PCCB: variants seen among roughly 807,000 people sequenced by gnomAD.
PCCB encodes the protein propionyl-CoA carboxylase beta chain, mitochondrial.
A neutral mutation model predicts 60.7 loss-of-function variants in PCCB; 43 were observed. That is an observed-to-expected ratio of 0.71 (90% CI 0.55 to 0.91). The LOEUF (loss-of-function observed/expected upper bound fraction) is 0.91. Ranked by LOEUF, PCCB falls within the 40% of genes least tolerant of loss-of-function variation. The probability of loss-of-function intolerance (pLI) is 0.00; values close to 1 mark genes in which losing one functional copy is unlikely to be tolerated. For missense variants in PCCB, 766 were observed against 702.8 expected (o/e 1.09, Z -1.02); for synonymous variants, 276 against 255.9 (o/e 1.08, Z -0.75).
chr3:136,279,856 C>T (rs1020988898), intron 5 of PCCB, among the ~76,000 whole-genome samples: 24 of 152,078 alleles, frequency 1.6e-4, no homozygotes, highest in African/African-American at 5.8e-4. Flanking sequence ...TTAGTAGAGA[C>T]GGGGTTTCAC....
intron 8 of PCCB, among the ~76,000 whole-genome samples, chr3:136,300,728 C>T (rs536283615): frequency 2.0e-5 from 3 of 152,236 alleles, no homozygotes; most frequent in South Asian, 2.1e-4. Context: ...GTGCCCTACA[C>T]GGTACCTAGA....
intron 8 of PCCB, among the ~76,000 whole-genome samples, chr3:136,298,461 C>A (rs577316946): frequency 6.6e-6 from 1 of 152,246 alleles, no homozygotes; most frequent in East Asian, 1.9e-4. Flanking sequence ...AGCCATGATT[C>A]TTCTTATGCT....
intron 5 of PCCB, among the ~76,000 whole-genome samples, chr3:136,268,105 T>TAC (rs71627016): frequency 0.078 from 10,014 of 128,076 alleles, 582 homozygotes; most frequent in Middle Eastern, 0.12. Flanking sequence ...TATATATATA[T>TAC]ATATATATAT....
chr3:136,251,324 G>A (rs1437642377), intron 1 of PCCB: 1 of 456,704 alleles, frequency 2.2e-6, no homozygotes, highest in Admixed American at 2.3e-5. Context: ...GGCTTGCCCA[G>A]TGTGTCCGTG....
At chr3:136,262,954 GTTT>G (rs570598390) in intron 5 of PCCB, among the ~76,000 whole-genome samples, 2 of 122,860 alleles carry the variant, frequency 1.6e-5, no homozygotes, top group Admixed American at 9.0e-5. Context: ...TCTGGAGGAG[GTTT>G]TTTTTTTTTT....
intron 10 of PCCB, chr3:136,326,242 C>G (rs1935303545): frequency 1.5e-6 from 1 of 678,400 alleles, no homozygotes; most frequent in Admixed American, 2.2e-5. Flanking sequence ...TGGGGTAATA[C>G]TGGTCTCATA....
rs1438473866 is a variant in PCCB at position 136,305,011 on chromosome 3, G to T, written c.966+3900G>T. On this transcript the variant is annotated intron_variant, in intron 9 of 14. Coordinates refer to ENST00000251654, the MANE Select transcript of PCCB (RefSeq NM_000532.5). The stretch of plus-strand genomic sequence containing the variant: ...AACCCAGCTTTTCCAATTTTTAAAA[G>T]AATTCCAGTCCTAACAGATTAGGGT... 2.1e-4 allele frequency among the ~76,000 whole-genome samples: 26 copies of T among 121,052 alleles called. 2 individuals are homozygous for T. The highest frequency in any genetic ancestry group is 6.5e-4 in the African/African-American group (26 of 39,772). 79.4% of individuals were successfully genotyped at this position (121,052 alleles called of 152,430 possible). A position where few individuals can be genotyped will look rare whatever the true frequency, so the allele number is the denominator to read the frequency against.
intron 5 of PCCB, among the ~76,000 whole-genome samples, chr3:136,269,557 A>G (rs1354124963): frequency 6.6e-6 from 1 of 152,100 alleles, no homozygotes; most frequent in African/African-American, 2.4e-5. Context: ...CTCTGCTTAG[A>G]ACCTGTAGTA....
At chr3:136,256,911 G>A (rs1166545508) in intron 3 of PCCB, among the ~76,000 whole-genome samples, 2 of 152,312 alleles carry the variant, frequency 1.3e-5, no homozygotes, top group South Asian at 4.1e-4. Context: ...TGGGTTGGGT[G>A]TGTGCCTGTA....
intron 6 of PCCB, among the ~76,000 whole-genome samples, chr3:136,286,578 C>G (rs1933420539): frequency 6.6e-6 from 1 of 152,186 alleles, no homozygotes; most frequent in South Asian, 2.1e-4. Context: ...TATCACATCC[C>G]AAATTTAGTC....
intron 12 of PCCB, 24 bp downstream of exon 12, chr3:136,327,279 A>G (rs1319886534): frequency 6.4e-7 from 1 of 1,570,780 alleles, no homozygotes; most frequent in Admixed American, 1.7e-5. Context: ...GTTGGAGGCC[A>G]TGACCCTGCT....
At chr3:136,271,741 G>A (rs576694239) in intron 5 of PCCB, among the ~76,000 whole-genome samples, 111 of 152,152 alleles carry the variant, frequency 7.3e-4, no homozygotes, top group South Asian at 1.7e-3. Context: ...TCCTTTATCA[G>A]ATCTAGGAGT....
intron 9 of PCCB, among the ~76,000 whole-genome samples, chr3:136,309,547 C>T (rs1361098653): frequency 6.6e-6 from 1 of 152,042 alleles, no homozygotes; most frequent in Admixed American, 6.6e-5. Context: ...TGCCTATAAT[C>T]CCAGCACTTT....
intron 9 of PCCB, among the ~76,000 whole-genome samples, chr3:136,315,624 A>G (rs1254534047): frequency 1.3e-5 from 2 of 152,080 alleles, no homozygotes; most frequent in Admixed American, 6.5e-5. Context: ...TGAGGCCAAG[A>G]GTTTGAGACC....
intron 5 of PCCB, among the ~76,000 whole-genome samples, chr3:136,278,971 C>A (rs1311406888): frequency 6.6e-6 from 1 of 152,108 alleles, no homozygotes; most frequent in Non-Finnish European, 1.5e-5. Flanking sequence ...GCTCTTGTTG[C>A]TTCATAGATT....
chr3:136,261,121 C>G (rs886699306), intron 4 of PCCB, among the ~76,000 whole-genome samples: 2 of 152,092 alleles, frequency 1.3e-5, no homozygotes, highest in Non-Finnish European at 2.9e-5. Flanking sequence ...CTGAGGATTT[C>G]AAGTGAAGAA....
In PCCB at chr3:136,250,562, A is replaced by C; in HGVS notation, c.183+4A>C. 1 of 1,610,110 alleles carries C rather than the reference A, an allele frequency of 6.2e-7. No individual in the cohort carries two copies. ...TATTGACGCGCAGCACAAGCGAGTG[A>C]GTCCTGAGGGGCCTAAGTGAGTCCC... On this transcript the variant is annotated splice_donor_region_variant and intron_variant, in intron 1 of 14. Coordinates refer to ENST00000251654, the MANE Select transcript of PCCB (RefSeq NM_000532.5).
rs929119465 is a variant in PCCB at position 136,256,037 on chromosome 3, GAAT to G, written c.303+71_303+73del. ...TGTGGCTCAGCTGGCCTACCCACTA[GAAT>G]AATAATAAATCTATAAGGCTTTTAT... On this transcript the variant is annotated intron_variant, in intron 2 of 14. Coordinates refer to ENST00000251654, the MANE Select transcript of PCCB (RefSeq NM_000532.5). 112 of 1,611,044 alleles carry G rather than the reference GAAT, an allele frequency of 7.0e-5. 1 individual carries two copies. In the African/African-American group the frequency reaches 1.2e-3, roughly 17 times the overall value.
At chr3:136,278,469 T>G (rs1215246450) in intron 5 of PCCB, among the ~76,000 whole-genome samples, 3 of 152,188 alleles carry the variant, frequency 2.0e-5, no homozygotes, top group Non-Finnish European at 4.4e-5. Context: ...TAACACTGCT[T>G]CTTATCTGCC....
Sources: gnomAD v4.1 joint callset for allele counts (sites outside exome capture counted in the v4.1 genomes callset) on GRCh38, gnomAD v4.1.1 for gene constraint, MANE v1.5 for transcripts, NCBI Gene and HGNC (gene_info 2026-07-23, HGNC 2026-07-21) for gene names.